NSMCE2: variants seen among roughly 807,000 people sequenced by gnomAD.
The protein encoded by NSMCE2 is NSE2 SUMO ligase component of SMC5/6 complex.
In NSMCE2, 24 loss-of-function variants were observed where a neutral mutation model predicts 23.8. The ratio of observed to expected loss-of-function variants is 1.01; its 90% CI spans 0.73 to 1.42. The LOEUF is 1.42. NSMCE2 is among the 40% of genes most tolerant of loss of function. NSMCE2 has a pLI of 0.00. For synonymous variants in NSMCE2, 92 were observed against 94.1 expected, an observed-to-expected ratio of 0.98 and a Z score of 0.13; for missense variants, 284 against 296.5, an observed-to-expected ratio of 0.96 and a Z score of 0.31.
At chr8:125,256,961 A>AAAAAAAG (rs1554626869) in intron 5 of NSMCE2, among the ~76,000 whole-genome samples, 1 of 110,806 alleles carries the variant, frequency 9.0e-6, no homozygotes, top group Non-Finnish European at 1.8e-5. Flanking sequence ...AAAAAAAAAG[A>AAAAAAAG]GGGCTGAAGG....
chr8:125,223,806 C>CTTTTTTT (rs777644019), intron 5 of NSMCE2, among the ~76,000 whole-genome samples: 11 of 107,932 alleles, frequency 1.0e-4, no homozygotes, highest in Admixed American at 1.9e-4. Context: ...GGTCCTTTGC[C>CTTTTTTT]TTTTTTTTTT....
intron 3 of NSMCE2, among the ~76,000 whole-genome samples, chr8:125,110,762 GTTTTTTTTTTT>G (rs1017002301): frequency 5.0e-4 from 21 of 41,826 alleles, no homozygotes; most frequent in Middle Eastern, 0.025. Flanking sequence ...GGTTGTTGTT[GTTTTTTTTTTT>G]TTTTTTTTTT....
intron 4 of NSMCE2, among the ~76,000 whole-genome samples, chr8:125,159,447 A>T (rs1381667419): frequency 6.6e-6 from 1 of 152,176 alleles, no homozygotes; most frequent in Non-Finnish European, 1.5e-5. Context: ...TACAGTATTC[A>T]GTATAGTAAC....
intron 5 of NSMCE2, among the ~76,000 whole-genome samples, chr8:125,345,733 A>G (rs1246441639): frequency 1.3e-5 from 2 of 152,212 alleles, no homozygotes; most frequent in Non-Finnish European, 2.9e-5. Context: ...GCACAAACTA[A>G]TGTGCTAAAT....
chr8:125,135,115 A>G (rs542031737), intron 3 of NSMCE2, among the ~76,000 whole-genome samples: 1 of 152,170 alleles, frequency 6.6e-6, no homozygotes, highest in Admixed American at 6.5e-5. Flanking sequence ...ATGGGGTTTC[A>G]CTATGTTGTC....
At chr8:125,198,713 A>G (rs889069700) in intron 5 of NSMCE2, among the ~76,000 whole-genome samples, 1 of 152,222 alleles carries the variant, frequency 6.6e-6, no homozygotes, top group Non-Finnish European at 1.5e-5. Context: ...AAAAGGAGTT[A>G]GGGAGGTTCC....
chr8:125,316,555 TTTC>T (rs1829186069), intron 5 of NSMCE2, among the ~76,000 whole-genome samples: 1 of 152,216 alleles, frequency 6.6e-6, no homozygotes, highest in African/African-American at 2.4e-5. Context: ...TCTGTCTGTC[TTTC>T]TTTCTTTCCT....
At chr8:125,358,694 A>G (rs190213783) in intron 7 of NSMCE2, among the ~76,000 whole-genome samples, 199 of 152,190 alleles carry the variant, frequency 1.3e-3, no homozygotes, top group African/African-American at 4.3e-3. Flanking sequence ...CTAGTTCTCA[A>G]TTGACTTCTG....
At chr8:125,147,437 T>C (rs1820752119) in intron 3 of NSMCE2, among the ~76,000 whole-genome samples, 1 of 152,184 alleles carries the variant, frequency 6.6e-6, no homozygotes, top group African/African-American at 2.4e-5. Flanking sequence ...GATTAAAATC[T>C]CTTTGGTGAA....
chr8:125,326,577 G>T (rs1201386411), intron 5 of NSMCE2, among the ~76,000 whole-genome samples: 1 of 152,082 alleles, frequency 6.6e-6, no homozygotes, highest in Non-Finnish European at 1.5e-5. Flanking sequence ...GAGGACTTCT[G>T]ATTTTATTCA....
In NSMCE2 at chr8:125,151,154, A is replaced by T. The variant is rs77113123; in HGVS notation, c.158-17A>T. ...TTTTAAATGGAAAATAATAATTGCA[A>T]TTTTTTTTTCTTTCAGCTGAAGTGA... On this transcript the variant is annotated splice_polypyrimidine_tract_variant and intron_variant, in intron 3 of 7. Transcript: ENST00000287437. 5.8e-6 allele frequency: 8 copies of T among 1,387,482 alleles called. No homozygotes were observed. The highest frequency in any genetic ancestry group is 2.9e-5 in the African/African-American group (2 of 70,112). The allele number at this position is 1,387,482 out of a possible 1,614,324, so 85.9% of individuals were successfully genotyped here.
intron 5 of NSMCE2, among the ~76,000 whole-genome samples, chr8:125,222,803 C>T (rs1049721040): frequency 1.3e-5 from 2 of 152,162 alleles, no homozygotes. Context: ...GTGGCACGAC[C>T]TGTAATCCCA....
intron 3 of NSMCE2, among the ~76,000 whole-genome samples, chr8:125,106,908 A>AT (rs1818487885): frequency 1.3e-5 from 2 of 151,500 alleles, no homozygotes; most frequent in South Asian, 4.2e-4. Flanking sequence ...AGGCAGGAGA[A>AT]TCGCTTGAAC....
intron 4 of NSMCE2, among the ~76,000 whole-genome samples, chr8:125,162,099 A>G (rs1821657981): frequency 6.6e-6 from 1 of 152,190 alleles, no homozygotes; most frequent in Non-Finnish European, 1.5e-5. Context: ...CTTTAAGTGG[A>G]ATAAATTCTG....
chr8:125,327,265 C>CAAAAAA (rs59574355), intron 5 of NSMCE2, among the ~76,000 whole-genome samples: 3 of 118,668 alleles, frequency 2.5e-5, no homozygotes, highest in Admixed American at 8.3e-5. Flanking sequence ...GACTCCATCT[C>CAAAAAA]AAAAAAAAAA....
intron 5 of NSMCE2, among the ~76,000 whole-genome samples, chr8:125,242,109 G>A (rs77353541): frequency 0.032 from 4,833 of 150,744 alleles, 260 homozygotes; most frequent in African/African-American, 0.11. Flanking sequence ...ATAACTGGGG[G>A]GGGAGTTTGA....
At chr8:125,248,927 T>C (rs1205212726) in intron 5 of NSMCE2, among the ~76,000 whole-genome samples, 2 of 152,066 alleles carry the variant, frequency 1.3e-5, no homozygotes, top group East Asian at 3.9e-4. Flanking sequence ...CCCAGCACTT[T>C]AAGAGGCTGA....
At chr8:125,229,816 C>T (rs1825248075) in intron 5 of NSMCE2, among the ~76,000 whole-genome samples, 1 of 151,958 alleles carries the variant, frequency 6.6e-6, no homozygotes, top group Non-Finnish European at 1.5e-5. Flanking sequence ...GATGACTTAT[C>T]ATTTGATAAA....
At position 125,165,579 on chromosome 8, in the gene NSMCE2, G is replaced by A. The variant is rs541464638; in HGVS notation, c.264+14302G>A. Among the ~76,000 whole-genome samples the A allele has an allele frequency of 4.6e-5, 7 of 152,272 alleles. No individual in the cohort carries two copies. In the East Asian group the frequency reaches 7.7e-4, roughly 17 times the overall value. On this transcript the variant is annotated intron_variant, in intron 4 of 7. Coordinates refer to ENST00000287437, the MANE Select transcript of NSMCE2 (RefSeq NM_173685.4). ...ATAGTATTATCTATTTGCAGACTTG[G>A]CCACACTGTAGTCTCAGTTCCATCA...
Sources: allele counts gnomAD v4.1 joint callset (sites outside exome capture counted in the v4.1 genomes callset), GRCh38; gene constraint gnomAD v4.1.1; transcripts MANE v1.5; gene names NCBI Gene and HGNC (gene_info 2026-07-23, HGNC 2026-07-21).